Variants in DDX23 observed in about 807,000 individuals in gnomAD.
The protein encoded by DDX23 is probable ATP-dependent RNA helicase DDX23.
DDX23 carries 33 observed loss-of-function variants against 102.7 expected under a neutral mutation model. The observed-to-expected ratio is 0.32, with a 90% CI of 0.24 to 0.43. DDX23 has a LOEUF of 0.43. DDX23 is among the 20% of genes least tolerant of loss of function. The pLI is 1.00. For synonymous variants in DDX23, 352 were observed against 376.0 expected, an observed-to-expected ratio of 0.94 and a Z score of 0.74; for missense variants, 549 against 1,086.6, an observed-to-expected ratio of 0.51 and a Z score of 6.96.
intron 1 of DDX23, among the ~76,000 whole-genome samples, chr12:48,851,245 G>A (rs1444715187): frequency 6.6e-6 from 1 of 152,176 alleles, no homozygotes; most frequent in East Asian, 1.9e-4. Context: ...GCCGAGACAG[G>A]TGGATTGCCT....
In DDX23 at chr12:48,832,844, T is replaced by G; in HGVS notation, c.1804-271A>C. On this transcript the variant is annotated intron_variant, in intron 13 of 16. Transcript: ENST00000308025. The surrounding 1 kb of genome is among the most constrained non-coding windows in gnomAD (Gnocchi z 4.4). ...GTAGCAGCATGAGTCTTTGGAATCGTTTTTCCAGGGCTAAGCTAAATGGCT... is the reference window on the plus strand; with the variant it reads ...GTAGCAGCATGAGTCTTTGGAATCGGTTTTCCAGGGCTAAGCTAAATGGCT... 1 of 497,726 alleles carries G rather than the reference T, an allele frequency of 2.0e-6. No homozygotes were observed. The highest frequency in any genetic ancestry group is 3.6e-6 in the Non-Finnish European group (1 of 280,544). The allele number at this position is 497,726 out of a possible 1,614,324, so 30.8% of individuals were successfully genotyped here.
At chr12:48,850,989 G>T (rs956644286) in intron 1 of DDX23, among the ~76,000 whole-genome samples, 8 of 152,192 alleles carry the variant, frequency 5.3e-5, no homozygotes, top group African/African-American at 1.9e-4. Flanking sequence ...GCTGACTCTG[G>T]CCATGCTTCC....
At position 48,838,027 on chromosome 12, in the gene DDX23, C is replaced by A; in HGVS notation, c.534G>T (p.Gln178His). The A allele has an allele frequency of 1.2e-6, 2 of 1,614,216 alleles. No homozygotes were observed. Among genetic ancestry groups the A allele is most frequent in the Non-Finnish European group, 1.7e-6 (2 of 1,180,042 alleles). The change falls in exon 6 of 17, where the codon CAG (glutamine) becomes CAT (histidine). Residue 178 changes from glutamine (Q) to histidine (H), a missense_variant. Gln to His is a conservative substitution (Grantham distance 24, BLOSUM62 0). Around this residue, in one of 4 missense-constraint regions of DDX23, gnomAD observed 241 missense variants for 267.0 expected, o/e 0.90. Coordinates refer to ENST00000308025, the MANE Select transcript of DDX23 (RefSeq NM_004818.3). ...EREAEALKRR[Q>H]QEVEERQRML... ...TCCTCTGCCGCTCTTCCACCTCCTG[C>A]TGCCGTCGCTTTAGAGCTTCAGCCT...
chr12:48,838,630 T>C (rs1051059334), intron 5 of DDX23, among the ~76,000 whole-genome samples: 2 of 150,750 alleles, frequency 1.3e-5, no homozygotes, highest in African/African-American at 4.9e-5. Context: ...GATGGGCGGA[T>C]CACGAGGTCA....
At chr12:48,837,424 G>A in intron 7 of DDX23, 31 bp from the exon 8 acceptor site, 1 of 1,612,928 alleles carries the variant, frequency 6.2e-7, no homozygotes, top group Admixed American at 1.7e-5. Flanking sequence ...AAGCACATGA[G>A]CTTTGAGGCC....
chr12:48,831,427 C>T (rs990329905), intron 15 of DDX23, 111 bp from the exon 16 acceptor site: 56 of 1,010,420 alleles, frequency 5.5e-5, no homozygotes, highest in South Asian at 2.1e-4. Context: ...CAGCAGAGTA[C>T]GAGAAAGGAA....
chr12:48,837,788 G>C, intron 6 of DDX23, 131 bp from the exon 7 acceptor site: 1 of 1,526,548 alleles, frequency 6.6e-7, no homozygotes. Flanking sequence ...GGTAAATGGA[G>C]ATCTAACAGA....
Position 48,832,376 on chromosome 12 carries a change from C to T in DDX23, c.1955+46G>A, listed in dbSNP as rs1390303399. 3 of 1,599,434 alleles carry T rather than the reference C, an allele frequency of 1.9e-6. No homozygotes were observed. Among genetic ancestry groups the T allele is most frequent in the South Asian group, 1.1e-5 (1 of 89,984 alleles). On this transcript the variant is annotated intron_variant, in intron 14 of 16. Transcript: ENST00000308025. This position sits in a 1 kb window ranked among gnomAD's most constrained non-coding sequence, Gnocchi z 4.4. ...CCTGCACTAAAAAAGTTCTCAGAGC[C>T]ATTTTATTCTCCACCCTGTTTCCCC...
chr12:48,833,634 A>G, intron 12 of DDX23, 115 bp from the exon 13 acceptor site: 1 of 1,326,400 alleles, frequency 7.5e-7, no homozygotes, highest in Non-Finnish European at 1.0e-6. Context: ...TTGGACCCCA[A>G]CCTCTGGTTA....
chr12:48,832,695 G>T lies in DDX23; in HGVS notation c.1804-122C>A. 2 of 1,237,396 alleles carry T rather than the reference G, an allele frequency of 1.6e-6. No individual in the cohort carries two copies. Among genetic ancestry groups the T allele is most frequent in the Non-Finnish European group, 2.2e-6 (2 of 916,262 alleles). The allele number at this position is 1,237,396 out of a possible 1,614,324, so 76.7% of individuals were successfully genotyped here. ...ATGGGCCACAGTATAGGCTTTGATAGCCACCACCTTAGAAAATAGTGTCCT... is the reference window on the plus strand; with the variant it reads ...ATGGGCCACAGTATAGGCTTTGATATCCACCACCTTAGAAAATAGTGTCCT... On this transcript the variant is annotated intron_variant, in intron 13 of 16. Transcript: ENST00000308025. The surrounding 1 kb of genome is among the most constrained non-coding windows in gnomAD (Gnocchi z 4.4).
At chr12:48,835,262 A>G in intron 11 of DDX23, 1 of 180,032 alleles carries the variant, frequency 5.6e-6, no homozygotes, top group South Asian at 1.0e-4. Context: ...TAAATAAATA[A>G]ATAATAAATA....
Position 48,832,330 on chromosome 12 carries a change from G to T in DDX23, c.1955+92C>A. 1 of 1,567,454 alleles carries T rather than the reference G, an allele frequency of 6.4e-7. No homozygotes were observed. The highest frequency in any genetic ancestry group is 1.2e-5 in the South Asian group (1 of 85,398). ...AAAACAGCAGCTCTTCAACACAGCA[G>T]AGCAATTGCCCTGCCCTGCACCTGC... is the stretch of plus-strand genomic sequence containing the variant. On this transcript the variant is annotated intron_variant, in intron 14 of 16. Coordinates refer to ENST00000308025, the MANE Select transcript of DDX23 (RefSeq NM_004818.3). The surrounding 1 kb of genome is among the most constrained non-coding windows in gnomAD (Gnocchi z 4.4).
At position 48,832,741 on chromosome 12, in the gene DDX23, A is replaced by G. The variant is rs1938409499; in HGVS notation, c.1804-168T>C. The G allele has an allele frequency of 1.4e-5, 12 of 830,746 alleles. 1 individual carries two copies. The South Asian group carries it at 2.4e-4, about 16-fold the overall frequency. The allele number at this position is 830,746 out of a possible 1,614,324, so 51.5% of individuals were successfully genotyped here. A position where few individuals can be genotyped will look rare whatever the true frequency, so the allele number is the denominator to read the frequency against. On this transcript the variant is annotated intron_variant, in intron 13 of 16. Transcript: ENST00000308025. The surrounding 1 kb of genome is among the most constrained non-coding windows in gnomAD (Gnocchi z 4.4). ...GTCCTCTGAATTCCCATCCTTCCTG[A>G]GTACCTGCTCATCAAGGCACTTTCC...
intron 3 of DDX23, among the ~76,000 whole-genome samples, chr12:48,842,495 G>A (rs1938579653): frequency 7.1e-6 from 1 of 141,794 alleles, no homozygotes; most frequent in African/African-American, 2.7e-5. Flanking sequence ...CCGGGAGGAA[G>A]GTGGGGGGGT....
chr12:48,835,364 G>A (rs1938454754), intron 11 of DDX23: 1 of 153,822 alleles, frequency 6.5e-6, no homozygotes. Context: ...GTTGAGATCG[G>A]GAGTTTGAGA....
At chr12:48,835,248 T>A (rs969681270) in intron 11 of DDX23, 7 of 181,176 alleles carry the variant, frequency 3.9e-5, no homozygotes, top group South Asian at 9.4e-5. Context: ...TCTCAAAAAA[T>A]AAATAAATAA....
At chr12:48,848,437 A>G (rs1308651375) in intron 1 of DDX23, among the ~76,000 whole-genome samples, 2 of 152,164 alleles carry the variant, frequency 1.3e-5, no homozygotes, top group African/African-American at 4.8e-5. Context: ...GGGGTATAAC[A>G]AGAGATAGAT....
At chr12:48,847,634 C>T (rs972229677) in intron 1 of DDX23, among the ~76,000 whole-genome samples, 33 of 151,570 alleles carry the variant, frequency 2.2e-4, no homozygotes, top group African/African-American at 8.0e-4. Context: ...TCGAGACCAA[C>T]CTGGGCAATA....
intron 12 of DDX23, 152 bp downstream of exon 12, chr12:48,834,168 T>C: frequency 6.3e-6 from 4 of 635,302 alleles, no homozygotes; most frequent in Non-Finnish European, 1.1e-5. Context: ...ATTTGTGATA[T>C]AAACCCTGGT....
Sources: allele counts gnomAD v4.1 joint callset (sites outside exome capture counted in the v4.1 genomes callset), GRCh38; gene constraint gnomAD v4.1.1; regional missense constraint gnomAD v4.1.1; non-coding constraint Gnocchi (gnomAD v3.1); transcripts MANE v1.5; gene names NCBI Gene and HGNC (gene_info 2026-07-23, HGNC 2026-07-21).